Variants in NRCAM observed in about 807,000 individuals in gnomAD.
The protein encoded by NRCAM is neuronal cell adhesion molecule.
Under a neutral mutation model 156.5 loss-of-function variants are expected in NRCAM, and 83 were observed. That is an observed-to-expected ratio of 0.53 (90% CI 0.44 to 0.64). NRCAM has a LOEUF of 0.64. NRCAM is among the 30% of genes least tolerant of loss of function. NRCAM has a pLI of 0.00. For missense variants in NRCAM, 1,417 were observed against 1,597.3 expected, an observed-to-expected ratio of 0.89 and a Z score of 1.92; for synonymous variants, 538 against 563.9, an observed-to-expected ratio of 0.95 and a Z score of 0.65.
intron 32 of NRCAM, among the ~76,000 whole-genome samples, chr7:108,151,301 T>C (rs534294119): frequency 1.3e-5 from 2 of 152,296 alleles, no homozygotes; most frequent in Admixed American, 6.5e-5. Flanking sequence ...AGGAAACATA[T>C]ACATTTTTAC....
intron 1 of NRCAM, among the ~76,000 whole-genome samples, chr7:108,437,786 T>C (rs955401579): frequency 6.6e-6 from 1 of 152,094 alleles, no homozygotes; most frequent in Admixed American, 6.6e-5. Flanking sequence ...TTCATACATA[T>C]GTAAATGTAA....
At chr7:108,252,758 T>C (rs4730301) in intron 3 of NRCAM, among the ~76,000 whole-genome samples, 32 of 152,362 alleles carry the variant, frequency 2.1e-4, no homozygotes, top group Admixed American at 2.1e-3. Context: ...TCAAGCAAGA[T>C]GCAGGAAAAA....
rs2047547451 is a variant in NRCAM at position 108,159,500 on chromosome 7, G to C, written c.3640C>G (p.Pro1214Ala). ...AATGTCCCATCATCTTCCTTCATAG[G>C]CTGGATTTCAGGGTCAGCATGGGCA... ...EDAHADPEIQ[P>A]MKEDDGTFGE... Residue 1214 changes from proline (P) to alanine (A), a missense_variant, in exon 32 of 33, where the codon CCT becomes GCT. Physicochemically the swap from Pro to Ala is conservative, Grantham distance 27 (BLOSUM62 -1). This residue lies in a region of NRCAM where 179 missense variants were observed against 260.9 expected (regional missense o/e 0.69). Coordinates refer to ENST00000379028, the MANE Select transcript of NRCAM (RefSeq NM_001037132.4). 1 of 1,613,352 alleles carries C rather than the reference G, an allele frequency of 6.2e-7. No individual in the cohort carries two copies. Among genetic ancestry groups the C allele is most frequent in the South Asian group, 1.1e-5 (1 of 91,066 alleles).
intron 1 of NRCAM, among the ~76,000 whole-genome samples, chr7:108,406,243 G>T (rs1471146848): frequency 6.6e-6 from 1 of 152,118 alleles, no homozygotes; most frequent in Non-Finnish European, 1.5e-5. Context: ...GAAATAGAAT[G>T]ATAACTTTAG....
At chr7:108,218,749 C>T (rs1044665012) in intron 11 of NRCAM, among the ~76,000 whole-genome samples, 5 of 152,006 alleles carry the variant, frequency 3.3e-5, no homozygotes, top group African/African-American at 7.3e-5. Context: ...ACGCCTACAT[C>T]GAAAAGACTG....
At chr7:108,203,477 A>G (rs2079274269) in intron 13 of NRCAM, among the ~76,000 whole-genome samples, 1 of 151,300 alleles carries the variant, frequency 6.6e-6, no homozygotes, top group African/African-American at 2.4e-5. Flanking sequence ...AACAGCTTTC[A>G]GGTCTTAAAT....
chr7:108,166,202 G>C (rs1277822849), intron 30 of NRCAM, among the ~76,000 whole-genome samples: 1 of 151,666 alleles, frequency 6.6e-6, no homozygotes, highest in African/African-American at 2.4e-5. Context: ...GGTTCTGCTG[G>C]GTTGTAGGCC....
chr7:108,171,839 T>G (rs565508386), intron 28 of NRCAM, among the ~76,000 whole-genome samples: 3 of 152,208 alleles, frequency 2.0e-5, no homozygotes, highest in Non-Finnish European at 4.4e-5. Context: ...GTTGAACTGA[T>G]TGAAACTTCT....
rs1410011945 is a variant in NRCAM, at chr7:108,181,961, T to C, written c.2531-24A>G. 3.9e-6 allele frequency: 6 copies of C among 1,525,242 alleles called. No homozygotes were observed. In the Admixed American group the frequency reaches 8.5e-5, roughly 22 times the overall value. 94.5% of individuals were successfully genotyped at this position (1,525,242 alleles called of 1,614,324 possible). A position where few individuals can be genotyped will look rare whatever the true frequency, so the allele number is the denominator to read the frequency against. On this transcript the variant is annotated intron_variant, in intron 23 of 32. Transcript: ENST00000379028. ...GACTAGGAAAAGGACAGGGAAGTGG[T>C]AGAAGTATCAATGTTATTTTTAATT...
chr7:108,355,944 T>A (rs1159707307), intron 2 of NRCAM, among the ~76,000 whole-genome samples: 2 of 34,310 alleles, frequency 5.8e-5, no homozygotes, highest in African/African-American at 1.1e-4. Flanking sequence ...TACAGTAAGA[T>A]TTTTTTTTTT....
intron 11 of NRCAM, among the ~76,000 whole-genome samples, chr7:108,221,940 A>G (rs1388780659): frequency 1.5e-4 from 3 of 19,976 alleles, no homozygotes; most frequent in African/African-American, 2.1e-4. Context: ...TTATGGTTCA[A>G]GCAAAAAAAA....
intron 28 of NRCAM, among the ~76,000 whole-genome samples, chr7:108,171,637 T>C (rs1324819622): frequency 6.6e-6 from 1 of 152,154 alleles, no homozygotes; most frequent in Non-Finnish European, 1.5e-5. Context: ...GCAAAAAAAA[T>C]GGTTCACACC....
In NRCAM at chr7:108,401,470, G is replaced by C. The variant is rs148364689; in HGVS notation, c.-331-1877C>G. Reference sequence around the variant, plus strand: ...GTGAGAGGATAGTTTGAGCCAGTGAGGAGGAGGCTGCAGTGAGCCAAGATC... The same window carrying C: ...GTGAGAGGATAGTTTGAGCCAGTGACGAGGAGGCTGCAGTGAGCCAAGATC... On this transcript the variant is annotated intron_variant, in intron 1 of 32. Coordinates refer to ENST00000379028, the MANE Select transcript of NRCAM (RefSeq NM_001037132.4). 7.6e-3 allele frequency among the ~76,000 whole-genome samples: 1,156 copies of C among 152,288 alleles called. 9 individuals are homozygous for C. Among genetic ancestry groups the C allele is most frequent in the Non-Finnish European group, 0.011 (782 of 68,026 alleles).
intron 2 of NRCAM, among the ~76,000 whole-genome samples, chr7:108,378,624 C>T (rs567496831): frequency 1.5e-5 from 2 of 136,008 alleles, no homozygotes; most frequent in African/African-American, 5.4e-5. Context: ...AACAAATAAG[C>T]AGGATTCAAC....
At chr7:108,291,408 T>C (rs577011858) in intron 3 of NRCAM, among the ~76,000 whole-genome samples, 10 of 152,296 alleles carry the variant, frequency 6.6e-5, no homozygotes, top group African/African-American at 1.9e-4. Context: ...TGCTATATAA[T>C]TAGAAAACCA....
At chr7:108,226,988 C>A (rs2093575754) in intron 8 of NRCAM, among the ~76,000 whole-genome samples, 1 of 152,210 alleles carries the variant, frequency 6.6e-6, no homozygotes, top group Non-Finnish European at 1.5e-5. Context: ...CTGCCCCTCA[C>A]AAGCCTCCCA....
chr7:108,209,635 A>G, intron 11 of NRCAM, 30 bp from the exon 12 acceptor site: 1 of 1,499,384 alleles, frequency 6.7e-7, no homozygotes, highest in South Asian at 1.3e-5. Context: ...ATGATGTTAC[A>G]AAAAAGGAAT....
intron 2 of NRCAM, among the ~76,000 whole-genome samples, chr7:108,388,864 G>A (rs2099750188): frequency 6.6e-6 from 1 of 152,088 alleles, no homozygotes; most frequent in South Asian, 2.1e-4. Flanking sequence ...AAGATCAGAT[G>A]GTTGTAGATA....
intron 3 of NRCAM, among the ~76,000 whole-genome samples, chr7:108,304,637 T>G (rs998557040): frequency 9.2e-5 from 14 of 152,084 alleles, no homozygotes; most frequent in Admixed American, 2.6e-4. Flanking sequence ...CCAAATGACT[T>G]CAGAATAAAC....
Sources: allele counts gnomAD v4.1 joint callset (sites outside exome capture counted in the v4.1 genomes callset), GRCh38; gene constraint gnomAD v4.1.1; regional missense constraint gnomAD v4.1.1; transcripts MANE v1.5; gene names NCBI Gene and HGNC (gene_info 2026-07-23, HGNC 2026-07-21).